The following BTN3A1 variants were observed in gnomAD, a reference collection of about 807,000 sequenced individuals.
BTN3A1 encodes butyrophilin subfamily 3 member A1, also known as dJ45P21.3 (butyrophilin, subfamily 3, member A1).
Under a neutral mutation model 43.0 loss-of-function variants are expected in BTN3A1, and 24 were observed. That is an observed-to-expected ratio of 0.56 (90% CI 0.40 to 0.78). The LOEUF is 0.78. BTN3A1 is among the 30% of genes least tolerant of loss of function. The probability of loss-of-function intolerance (pLI) is 0.00; values close to 1 mark genes in which losing one functional copy is unlikely to be tolerated. For synonymous variants in BTN3A1, 181 were observed against 234.7 expected (o/e 0.77, Z 2.09); for missense variants, 533 against 626.2 (o/e 0.85, Z 1.59).
intron 9 of BTN3A1, chr6:26,412,959 T>A (rs1026013023): frequency 2.9e-5 from 42 of 1,457,750 alleles, no homozygotes; most frequent in Non-Finnish European, 3.7e-5. Context: ...GCAACCCTCA[T>A]TTCACCCTCC....
At chr6:26,408,021 G>T (rs1004168021) in intron 4 of BTN3A1, 69 bp downstream of exon 4, 66 of 1,586,958 alleles carry the variant, frequency 4.2e-5, no homozygotes, top group Non-Finnish European at 5.6e-5. Flanking sequence ...GGAGGTGTTA[G>T]TGTCTGCAGT....
Position 26,411,150 on chromosome 6 carries a change from T to C in BTN3A1, c.991+15T>C, listed in dbSNP as rs773981663. On this transcript the variant is annotated intron_variant, in intron 8 of 9. Transcript: ENST00000289361. ...AGCCTATAATGGTGAGTGAACCTGA[T>C]GCTCTCTGAGTTTGCTGGGACACGT... The C allele has an allele frequency of 1.2e-6, 2 of 1,608,608 alleles. No individual in the cohort carries two copies. The highest frequency in any genetic ancestry group is 1.7e-6 in the Non-Finnish European group (2 of 1,178,006).
intron 8 of BTN3A1, 112 bp from the exon 9 acceptor site, chr6:26,411,443 C>T (rs950974223): frequency 7.4e-6 from 10 of 1,355,932 alleles, no homozygotes; most frequent in Middle Eastern, 2.5e-4. Context: ...GAGGCTGGAC[C>T]CTGGAAGAGA....
At chr6:26,412,205 G>T (rs1762244020) in intron 9 of BTN3A1, 2 of 532,062 alleles carry the variant, frequency 3.8e-6, no homozygotes, top group African/African-American at 3.8e-5. Context: ...GTTCCCAACA[G>T]TGGGGAGCTG....
chr6:26,410,066 T>A (rs1674952326), intron 7 of BTN3A1, 34 bp downstream of exon 7: 2 of 1,611,790 alleles, frequency 1.2e-6, no homozygotes, highest in Admixed American at 3.3e-5. Flanking sequence ...TGAATTTGAA[T>A]CTATAACTGT....
intron 4 of BTN3A1, among the ~76,000 whole-genome samples, chr6:26,408,329 A>G (rs181985903): frequency 6.6e-6 from 1 of 152,352 alleles, no homozygotes; most frequent in Admixed American, 6.5e-5. Context: ...AAATTTTAAC[A>G]AAGGTCATAA....
intron 1 of BTN3A1, among the ~76,000 whole-genome samples, chr6:26,403,081 T>C (rs1201107768): frequency 3.3e-5 from 5 of 152,200 alleles, no homozygotes; most frequent in Non-Finnish European, 7.3e-5. Context: ...TTTTGTTTGT[T>C]TTGAGATGCA....
chr6:26,412,325 G>GAGC, intron 9 of BTN3A1: 1 of 659,988 alleles, frequency 1.5e-6, no homozygotes, highest in South Asian at 1.8e-5. Context: ...GGCCTTGTTA[G>GAGC]AGCAGCAGCA....
intron 7 of BTN3A1, 84 bp from the exon 8 acceptor site, chr6:26,411,025 A>AAAAAAAAAAAAAAAATT: frequency 2.5e-6 from 2 of 796,990 alleles, no homozygotes; most frequent in South Asian, 1.9e-5. Flanking sequence ...AAAAAAAAAG[A>AAAAAAAAAAAAAAAATT]TTAGATGGAT....
chr6:26,408,084 C>T lies in BTN3A1; in HGVS notation c.715+132C>T, dbSNP rs530314249. On this transcript the variant is annotated intron_variant, in intron 4 of 9. Coordinates refer to ENST00000289361, the MANE Select transcript of BTN3A1 (RefSeq NM_007048.6). ...GGCCCAAAGCACAGACCTGGAGGCTCCTCCTTGCACCGGGGGAGCTTCTCT... is the reference window on the plus strand; with the variant it reads ...GGCCCAAAGCACAGACCTGGAGGCTTCTCCTTGCACCGGGGGAGCTTCTCT... The T allele has an allele frequency of 6.5e-6, 9 of 1,390,292 alleles. No homozygotes were observed. In the Admixed American group the frequency reaches 1.9e-4, roughly 29 times the overall value. The allele number at this position is 1,390,292 out of a possible 1,614,324, so 86.1% of individuals were successfully genotyped here.
Position 26,409,607 on chromosome 6 carries a change from G to C in BTN3A1, c.790G>C (p.Gly264Arg), listed in dbSNP as rs778969041. 3 of 1,612,262 alleles carry C rather than the reference G, an allele frequency of 1.9e-6. No homozygotes were observed. The highest frequency in any genetic ancestry group is 2.5e-6 in the Non-Finnish European group (3 of 1,179,536). Residue 264 changes from glycine to arginine, a missense_variant, in exon 5 of 10, where the codon GGG becomes CGG. Gly to Arg is a moderately radical substitution (Grantham distance 125). This residue lies in a region of BTN3A1 where 415 missense variants were observed against 427.0 expected (regional missense o/e 0.97). Coordinates refer to ENST00000289361, the MANE Select transcript of BTN3A1 (RefSeq NM_007048.6). ...CCTGCCTGTCTTGCTGCTGCTTCTTGGGGGAGCCGGTTACTTCCTGTGGCA... is the reference window on the plus strand; with the variant it reads ...CCTGCCTGTCTTGCTGCTGCTTCTTCGGGGAGCCGGTTACTTCCTGTGGCA... ...GTLPVLLLLL[G>R]GAGYFLWQQQ...
chr6:26,413,846 C>G lies in BTN3A1; in HGVS notation c.*154C>G. 7.0e-7 allele frequency: 1 copy of G among 1,427,820 alleles called. No individual in the cohort carries two copies. Among genetic ancestry groups the G allele is most frequent in the Non-Finnish European group, 9.6e-7 (1 of 1,038,392 alleles). The allele number at this position is 1,427,820 out of a possible 1,614,324, so 88.4% of individuals were successfully genotyped here. A position where few individuals can be genotyped will look rare whatever the true frequency, so the allele number is the denominator to read the frequency against. The stretch of plus-strand genomic sequence containing the variant: ...CCCAGCTCAGAGCTGAGGGCCTCCC[C>G]CTCCACAGCAACCAATCACAACCAT... On this transcript the variant is annotated 3_prime_UTR_variant, in exon 10 of 10. Transcript: ENST00000289361.
rs776498634 is a variant in BTN3A1, at chr6:26,407,728, T to C, written c.491T>C (p.Leu164Pro). 1 of 1,614,230 alleles carries C rather than the reference T, an allele frequency of 6.2e-7. No homozygotes were observed. The highest frequency in any genetic ancestry group is 2.2e-5 in the East Asian group (1 of 44,894). ...GGTTACAAGGATGGAGGGATCCATC[T>C]GGAGTGCAGGTCCACTGGCTGGTAC... ...VKGYKDGGIH[L>P]ECRSTGWYPQ... The change falls in exon 4 of 10, where the codon CTG becomes CCG. Residue 164 changes from leucine (L) to proline (P), a missense_variant. Transcript: ENST00000289361.
rs1352870308 is a variant in BTN3A1, at chr6:26,405,522, G to A, written c.-42G>A. 2 of 1,574,766 alleles carry A rather than the reference G, an allele frequency of 1.3e-6. No individual in the cohort carries two copies. Among genetic ancestry groups the A allele is most frequent in the East Asian group, 2.2e-5 (1 of 44,690 alleles). On this transcript the variant is annotated 5_prime_UTR_variant, in exon 2 of 10. Transcript: ENST00000289361. ...TCTATAGCTTCTTCCAGGTCATAGT[G>A]TCTGCCCCCCACCTTCCAGTATCTC... is the stretch of plus-strand genomic sequence containing the variant.
chr6:26,403,246 A>G (rs1255592967), intron 1 of BTN3A1, among the ~76,000 whole-genome samples: 1 of 152,082 alleles, frequency 6.6e-6, no homozygotes, highest in African/African-American at 2.4e-5. Context: ...TTGTATTTTT[A>G]GTAGATTCGG....
intron 8 of BTN3A1, 90 bp from the exon 9 acceptor site, chr6:26,411,465 A>G (rs1581632226): frequency 2.0e-6 from 3 of 1,464,886 alleles, no homozygotes; most frequent in African/African-American, 1.4e-5. Context: ...TCTGAAGAAA[A>G]GGAGAGAAAA....
rs1443059541 is a variant in BTN3A1 at position 26,407,935 on chromosome 6, C to G, written c.698C>G (p.Ala233Gly). The part of the protein sequence containing the change: ...RSSLLGLEKT[A>G]SISIADPFFR... ...TCCCTCCTCGGCCTGGAAAAGACAG[C>G]CAGCATTTCCATCGCAGGTCAGTAC... Residue 233 changes from alanine (A) to glycine (G), a missense_variant, in exon 4 of 10, where the codon GCC becomes GGC. Ala to Gly is a moderately conservative substitution (Grantham distance 60). Transcript: ENST00000289361. The G allele has an allele frequency of 6.2e-7, 1 of 1,614,128 alleles. No homozygotes were observed. Among genetic ancestry groups the G allele is most frequent in the Admixed American group, 1.7e-5 (1 of 60,028 alleles).
chr6:26,409,351 G>A (rs1762125686), intron 4 of BTN3A1, among the ~76,000 whole-genome samples, 182 bp from the exon 5 acceptor site: 1 of 152,218 alleles, frequency 6.6e-6, no homozygotes, highest in Non-Finnish European at 1.5e-5. Flanking sequence ...GCAGCCTCTA[G>A]TGGGGGTTTA....
chr6:26,413,647 A>G lies in BTN3A1; in HGVS notation c.1497A>G (p.Arg499=), dbSNP rs1464668858. The change falls in exon 10 of 10, where the codon AGA becomes AGG. Residue 499 remains arginine, a synonymous_variant. Coordinates refer to ENST00000289361, the MANE Select transcript of BTN3A1 (RefSeq NM_007048.6). ...CTGAGGCTCTATATCCTGTTTTCAG[A>G]ATTTTGACCTTGGAGCCCACGGCCC... ...SFSEALYPVF[R]ILTLEPTALT... 1.2e-6 allele frequency: 2 copies of G among 1,613,712 alleles called. No individual in the cohort carries two copies. The highest frequency in any genetic ancestry group is 2.2e-5 in the East Asian group (1 of 44,894).
Sources: allele counts gnomAD v4.1 joint callset (sites outside exome capture counted in the v4.1 genomes callset), GRCh38; gene constraint gnomAD v4.1.1; regional missense constraint gnomAD v4.1.1; transcripts MANE v1.5; gene names NCBI Gene and HGNC (gene_info 2026-07-23, HGNC 2026-07-21).